Variants in EGFLAM observed in about 807,000 individuals in gnomAD.
EGFLAM encodes the protein EGF like, fibronectin type III and laminin G domains.
In EGFLAM, 79 loss-of-function variants were observed where a neutral mutation model predicts 113.1. The observed-to-expected ratio is 0.70, with a 90% CI of 0.58 to 0.84. The LOEUF (loss-of-function observed/expected upper bound fraction) is 0.84. EGFLAM is among the 40% of genes least tolerant of loss of function. The pLI is 0.00. For synonymous variants in EGFLAM, 504 were observed against 487.6 expected, an observed-to-expected ratio of 1.03 and a Z score of -0.44; for missense variants, 1,265 against 1,291.6, an observed-to-expected ratio of 0.98 and a Z score of 0.32.
In EGFLAM at chr5:38,427,179, T is replaced by A. The variant is rs199504103; in HGVS notation, c.1981T>A (p.Phe661Ile). The change falls in exon 14 of 22, where the codon TTC becomes ATC. Residue 661 changes from phenylalanine to isoleucine, a missense_variant. Transcript: ENST00000322350. ...LYSYDTGSKD[F>I]LSINLAGGHV... Reference sequence around the variant, plus strand: ...CAGCTATGACACAGGCAGCAAAGACTTCCTGTCCATCAACTTGGCAGGGGG... The same window carrying A: ...CAGCTATGACACAGGCAGCAAAGACATCCTGTCCATCAACTTGGCAGGGGG... 41 of 1,614,194 alleles carry A rather than the reference T, an allele frequency of 2.5e-5. No individual in the cohort carries two copies. The Admixed American group carries it at 5.7e-4, about 22-fold the overall frequency.
At chr5:38,290,242 C>CTG (rs1002125095) in intron 1 of EGFLAM, among the ~76,000 whole-genome samples, 2 of 152,194 alleles carry the variant, frequency 1.3e-5, no homozygotes, top group African/African-American at 4.8e-5. Context: ...GCGCTCCGCA[C>CTG]TGTGGGCTAA....
At chr5:38,387,605 C>T (rs1399669266) in intron 6 of EGFLAM, among the ~76,000 whole-genome samples, 2 of 152,252 alleles carry the variant, frequency 1.3e-5, no homozygotes, top group Non-Finnish European at 2.9e-5. Context: ...TCAGTCTTAG[C>T]ATTTCATGAT....
intron 18 of EGFLAM, 94 bp from the exon 19 acceptor site, chr5:38,451,221 A>C: frequency 6.6e-7 from 1 of 1,525,824 alleles, no homozygotes; most frequent in Non-Finnish European, 8.9e-7. Context: ...CTATCCTTAC[A>C]TCTGGTTCCT....
chr5:38,306,892 GTGTAA>G (rs1287728304), intron 1 of EGFLAM, among the ~76,000 whole-genome samples: 8 of 152,194 alleles, frequency 5.3e-5, no homozygotes, highest in African/African-American at 1.9e-4. Context: ...GGGAAGCTCA[GTGTAA>G]CTACTATATG....
chr5:38,393,150 T>G (rs1337820217), intron 6 of EGFLAM, among the ~76,000 whole-genome samples: 1 of 152,222 alleles, frequency 6.6e-6, no homozygotes, highest in African/African-American at 2.4e-5. Context: ...ATATTGAATT[T>G]TAAAAATGAA....
At chr5:38,259,283 C>G (rs1757442649) in intron 1 of EGFLAM, among the ~76,000 whole-genome samples, 1 of 152,212 alleles carries the variant, frequency 6.6e-6, no homozygotes, top group Non-Finnish European at 1.5e-5. Context: ...CCTGGAGCCC[C>G]CTCTGCCCAT....
chr5:38,463,881 G>A lies in EGFLAM; in HGVS notation c.2925G>A (p.Gly975=). 1 of 1,614,214 alleles carries A rather than the reference G, an allele frequency of 6.2e-7. No individual in the cohort carries two copies. The highest frequency in any genetic ancestry group is 2.2e-5 in the East Asian group (1 of 44,890). ...ALHTNRQYMR[G]LVGCISHFTL... Reference sequence around the variant, plus strand: ...ACACTAACAGGCAATATATGAGAGGGCTCGTGGGCTGTATCTCTCACTTCA... The same window carrying A: ...ACACTAACAGGCAATATATGAGAGGACTCGTGGGCTGTATCTCTCACTTCA... Residue 975 remains glycine, a synonymous_variant, in exon 22 of 22, where the codon GGG becomes GGA. Transcript: ENST00000322350.
intron 1 of EGFLAM, among the ~76,000 whole-genome samples, chr5:38,329,292 G>GATAAATAA (rs10523377): frequency 3.4e-5 from 5 of 146,712 alleles, no homozygotes; most frequent in East Asian, 2.0e-4. Context: ...CTATCTCAAA[G>GATAAATAA]ATAAATAAAT....
At chr5:38,448,060 G>T (rs1011115920) in intron 17 of EGFLAM, among the ~76,000 whole-genome samples, 7 of 152,148 alleles carry the variant, frequency 4.6e-5, no homozygotes, top group Admixed American at 2.6e-4. Flanking sequence ...TCTCAGCAGC[G>T]CTGAGGCCAG....
chr5:38,317,011 C>T (rs751039070), intron 1 of EGFLAM, among the ~76,000 whole-genome samples: 1 of 152,148 alleles, frequency 6.6e-6, no homozygotes, highest in Non-Finnish European at 1.5e-5. Context: ...GGTGTCCATT[C>T]TATCACGTGA....
intron 6 of EGFLAM, among the ~76,000 whole-genome samples, chr5:38,397,616 AG>A (rs139547288): frequency 0.065 from 9,932 of 152,222 alleles, 416 homozygotes; most frequent in South Asian, 0.13. Flanking sequence ...TTTCTAAGAT[AG>A]GGTCTACCTG....
intron 12 of EGFLAM, among the ~76,000 whole-genome samples, chr5:38,418,606 C>T (rs1741730517): frequency 6.6e-6 from 1 of 152,206 alleles, no homozygotes; most frequent in South Asian, 2.1e-4. Context: ...AGTGGAAGAA[C>T]CAACACAGTA....
chr5:38,433,992 C>T (rs548892827), intron 15 of EGFLAM, among the ~76,000 whole-genome samples: 3 of 152,308 alleles, frequency 2.0e-5, no homozygotes, highest in Middle Eastern at 3.4e-3. Context: ...CTCCATGACT[C>T]GCCTGTCTTG....
At chr5:38,418,691 A>G (rs1015254179) in intron 12 of EGFLAM, among the ~76,000 whole-genome samples, 1 of 152,200 alleles carries the variant, frequency 6.6e-6, no homozygotes, top group Non-Finnish European at 1.5e-5. Context: ...CGCTGTGCCA[A>G]ACATCTTCTC....
At chr5:38,308,779 G>A (rs1368119133) in intron 1 of EGFLAM, among the ~76,000 whole-genome samples, 1 of 152,192 alleles carries the variant, frequency 6.6e-6, no homozygotes, top group African/African-American at 2.4e-5. Flanking sequence ...TCAGACAGAA[G>A]AGCACTGTGG....
At chr5:38,308,895 T>C (rs1758794908) in intron 1 of EGFLAM, among the ~76,000 whole-genome samples, 1 of 152,174 alleles carries the variant, frequency 6.6e-6, no homozygotes, top group Non-Finnish European at 1.5e-5. Context: ...ATTGCCCAAC[T>C]GTACAACAAT....
intron 20 of EGFLAM, among the ~76,000 whole-genome samples, chr5:38,459,983 T>C (rs1385194121): frequency 6.6e-6 from 1 of 152,272 alleles, no homozygotes; most frequent in Non-Finnish European, 1.5e-5. Context: ...GGATTTCAAA[T>C]AGTTTCTAGA....
intron 1 of EGFLAM, among the ~76,000 whole-genome samples, chr5:38,279,407 T>TCTGCA (rs1757963347): frequency 6.6e-6 from 1 of 152,188 alleles, no homozygotes; most frequent in South Asian, 2.1e-4. Context: ...TGAAGAGATA[T>TCTGCA]CTGCACTCCC....
At chr5:38,418,852 A>G (rs1003071023) in intron 12 of EGFLAM, among the ~76,000 whole-genome samples, 2 of 152,246 alleles carry the variant, frequency 1.3e-5, no homozygotes, top group Non-Finnish European at 2.9e-5. Context: ...AGCAATAAGG[A>G]CATTTATTCT....
Sources: allele counts gnomAD v4.1 joint callset (sites outside exome capture counted in the v4.1 genomes callset), GRCh38; gene constraint gnomAD v4.1.1; transcripts MANE v1.5; gene names NCBI Gene and HGNC (gene_info 2026-07-23, HGNC 2026-07-21).